The following GFRA2 variants were observed in gnomAD, a reference collection of about 807,000 sequenced individuals.
The protein encoded by GFRA2 is GDNF family receptor alpha 2, also known as GDNF family receptor alpha-2.
Under a neutral mutation model 48.3 loss-of-function variants are expected in GFRA2, and 17 were observed. The observed-to-expected ratio is 0.35, with a 90% CI of 0.24 to 0.53. The LOEUF (loss-of-function observed/expected upper bound fraction) is 0.53, where lower values mean the gene tolerates loss of function less well. Ranked by LOEUF, GFRA2 falls within the 20% of genes least tolerant of loss-of-function variation. GFRA2 has a pLI of 0.93. For missense variants in GFRA2, 660 were observed against 637.3 expected, an observed-to-expected ratio of 1.04 and a Z score of -0.38; for synonymous variants, 305 against 257.2, an observed-to-expected ratio of 1.19 and a Z score of -1.78.
chr8:21,720,565 T>C lies in GFRA2; in HGVS notation c.795-14524A>G, dbSNP rs143098567. 1.7e-3 allele frequency among the ~76,000 whole-genome samples: 257 copies of C among 152,304 alleles called. 1 individual carries two copies. Among genetic ancestry groups the C allele is most frequent in the African/African-American group, 5.9e-3 (246 of 41,568 alleles). ...CCCTGATCCCCATCCATGATCAGGATGTACTGATCTCTCCCATCTCATCTC... is the reference window on the plus strand; with the variant it reads ...CCCTGATCCCCATCCATGATCAGGACGTACTGATCTCTCCCATCTCATCTC... On this transcript the variant is annotated intron_variant, in intron 4 of 8. Coordinates refer to ENST00000524240, the MANE Select transcript of GFRA2 (RefSeq NM_001495.5).
In GFRA2 at chr8:21,705,961, G is replaced by T. The variant is rs1285339443; in HGVS notation, c.875C>A (p.Ala292Glu). 6.4e-6 allele frequency: 10 copies of T among 1,572,940 alleles called. No homozygotes were observed. The highest frequency in any genetic ancestry group is 1.2e-5 in the South Asian group (1 of 85,330). The change falls in exon 5 of 9, where the codon GCG becomes GAG. Residue 292 changes from alanine (A) to glutamate (E), a missense_variant. By Grantham distance (107) the Ala-to-Glu change is moderately radical. Transcript: ENST00000524240. ...CATGCCAGCATAAGAGCCCAGACAC[G>T]CCTGGTAATTGTCCGCAGGGCAGCT... Reference protein sequence around the residue: ...VTSCPADNYQACLGSYAGMIG... With the variant: ...VTSCPADNYQECLGSYAGMIG...
chr8:21,778,422 G>A (rs1156452304), intron 2 of GFRA2, among the ~76,000 whole-genome samples: 1 of 152,120 alleles, frequency 6.6e-6, no homozygotes, highest in Admixed American at 6.5e-5. Flanking sequence ...AGTCTTCTAT[G>A]GAAGGAAAAA....
upstream of GFRA2, among the ~76,000 whole-genome samples, chr8:21,789,811 T>A (rs1807503618): frequency 6.8e-6 from 1 of 147,646 alleles, no homozygotes; most frequent in African/African-American, 2.5e-5. Context: ...AGAAGCCTGC[T>A]GGGCCAGGGC....
chr8:21,771,559 T>C (rs914012425), intron 3 of GFRA2, among the ~76,000 whole-genome samples: 2 of 152,236 alleles, frequency 1.3e-5, no homozygotes, highest in Middle Eastern at 3.4e-3. Context: ...CTTCTGGACA[T>C]TGGAGGGTGT....
intron 4 of GFRA2, among the ~76,000 whole-genome samples, chr8:21,730,765 G>C (rs1804148291): frequency 6.6e-6 from 1 of 152,204 alleles, no homozygotes; most frequent in African/African-American, 2.4e-5. Context: ...TCCCAGGGCA[G>C]CACGTGCTTT....
In GFRA2 at chr8:21,772,612, C is replaced by A. The variant is rs966592126; in HGVS notation, c.439+2360G>T. Among the ~76,000 whole-genome samples the A allele has an allele frequency of 4.6e-5, 7 of 152,264 alleles. No homozygotes were observed. In the East Asian group the frequency reaches 1.4e-3, roughly 29 times the overall value. ...AGTCAACAGAGGCAATGAGGAGGGA[C>A]CGGCACAGTCCCCAAAGCCCAGCCC... On this transcript the variant is annotated intron_variant, in intron 3 of 8. Coordinates refer to ENST00000524240, the MANE Select transcript of GFRA2 (RefSeq NM_001495.5).
At chr8:21,791,216 G>A (rs1223524635), upstream of GFRA2, among the ~76,000 whole-genome samples, 4 of 152,246 alleles carry the variant, frequency 2.6e-5, no homozygotes, top group African/African-American at 4.8e-5. Context: ...AGAAAATGGG[G>A]CTGAGAAAGC....
At chr8:21,741,970 A>G in intron 4 of GFRA2, among the ~76,000 whole-genome samples, 1 of 152,138 alleles carries the variant, frequency 6.6e-6, no homozygotes, top group Non-Finnish European at 1.5e-5. Context: ...TGAGGTAGTA[A>G]TATAAAATGA....
At chr8:21,729,239 AG>A (rs1339886900) in intron 4 of GFRA2, among the ~76,000 whole-genome samples, 1 of 152,086 alleles carries the variant, frequency 6.6e-6, no homozygotes, top group African/African-American at 2.4e-5. Flanking sequence ...CTGAGGTGGG[AG>A]GATCACTTGA....
intron 4 of GFRA2, among the ~76,000 whole-genome samples, chr8:21,738,622 C>T (rs1313017706): frequency 6.6e-6 from 1 of 152,190 alleles, no homozygotes; most frequent in African/African-American, 2.4e-5. Flanking sequence ...AGCTGGGTCC[C>T]TCTTTCCTCT....
intron 4 of GFRA2, among the ~76,000 whole-genome samples, chr8:21,731,204 T>C (rs1804175351): frequency 1.3e-5 from 2 of 152,166 alleles, no homozygotes; most frequent in Non-Finnish European, 2.9e-5. Context: ...CCTCGTCTTC[T>C]GAGTCAATGT....
At chr8:21,695,467 A>G (rs1802115937) in intron 7 of GFRA2, among the ~76,000 whole-genome samples, 1 of 152,148 alleles carries the variant, frequency 6.6e-6, no homozygotes, top group Non-Finnish European at 1.5e-5. Context: ...TCTACCACCC[A>G]GGGCATCTGG....
chr8:21,756,514 C>T (rs963784747), intron 3 of GFRA2, among the ~76,000 whole-genome samples: 6 of 152,134 alleles, frequency 3.9e-5, no homozygotes, highest in Non-Finnish European at 8.8e-5. Flanking sequence ...GGGCTGGGCA[C>T]ATGGCCAGCC....
intron 4 of GFRA2, among the ~76,000 whole-genome samples, chr8:21,728,265 GTTTTTTTTTTT>G (rs34490346): frequency 1.5e-5 from 1 of 65,292 alleles, no homozygotes; most frequent in African/African-American, 5.9e-5. Context: ...CGGGAACCAG[GTTTTTTTTTTT>G]TTTTTTTTTT....
At chr8:21,708,857 C>G (rs1212560804) in intron 4 of GFRA2, among the ~76,000 whole-genome samples, 1 of 152,220 alleles carries the variant, frequency 6.6e-6, no homozygotes, top group Non-Finnish European at 1.5e-5. Context: ...AGACTTCAGG[C>G]CTCCAGAACA....
chr8:21,703,627 T>C (rs1190580783), intron 6 of GFRA2, among the ~76,000 whole-genome samples: 1 of 152,212 alleles, frequency 6.6e-6, no homozygotes, highest in Non-Finnish European at 1.5e-5. Context: ...ATCCCTCATA[T>C]TGCAGCCTTG....
chr8:21,753,944 T>A (rs1257437318), intron 3 of GFRA2, among the ~76,000 whole-genome samples: 1 of 152,228 alleles, frequency 6.6e-6, no homozygotes, highest in Non-Finnish European at 1.5e-5. Context: ...CACAGGGCCT[T>A]TGCACTTACT....
At chr8:21,772,284 A>G (rs1487704550) in intron 3 of GFRA2, among the ~76,000 whole-genome samples, 2 of 152,004 alleles carry the variant, frequency 1.3e-5, no homozygotes, top group African/African-American at 4.8e-5. Flanking sequence ...CACCATGGCC[A>G]GTTTGGTTTC....
intron 3 of GFRA2, among the ~76,000 whole-genome samples, chr8:21,761,235 C>T (rs930745081): frequency 4.6e-5 from 7 of 152,228 alleles, no homozygotes; most frequent in Non-Finnish European, 1.0e-4. Flanking sequence ...CCTCAAGATC[C>T]ATTTATTTTT....
Sources: allele counts gnomAD v4.1 joint callset (sites outside exome capture counted in the v4.1 genomes callset), GRCh38; gene constraint gnomAD v4.1.1; transcripts MANE v1.5; gene names NCBI Gene and HGNC (gene_info 2026-07-23, HGNC 2026-07-21).